Variants in GPHN observed in about 807,000 individuals in gnomAD.
The protein encoded by GPHN is gephyrin.
In GPHN, 17 loss-of-function variants were observed where a neutral mutation model predicts 95.5. That is an observed-to-expected ratio of 0.18 (90% CI 0.12 to 0.27). The LOEUF is 0.27. Among genes scored for constraint, GPHN ranks in the 10% least tolerant of loss-of-function variants. The probability of loss-of-function intolerance (pLI) is 1.00; values close to 1 mark genes in which losing one functional copy is unlikely to be tolerated. For synonymous variants in GPHN, 320 were observed against 322.5 expected (o/e 0.99, Z 0.08); for missense variants, 660 against 978.1 (o/e 0.67, Z 4.34).
chr14:66,533,408 C>T (rs1019961004), intron 1 of GPHN, among the ~76,000 whole-genome samples: 7 of 152,120 alleles, frequency 4.6e-5, no homozygotes. Context: ...TGGGTATATC[C>T]TTCCTTTGGA....
chr14:67,597,223 A>G, the GPHN span, among the ~76,000 whole-genome samples: 3 of 152,256 alleles, frequency 2.0e-5, no homozygotes, highest in African/African-American at 7.2e-5. Flanking sequence ...CATGCCTATA[A>G]TCCCAACACT....
At chr14:66,830,008 T>C (rs1453009815) in intron 4 of GPHN, among the ~76,000 whole-genome samples, 1 of 152,208 alleles carries the variant, frequency 6.6e-6, no homozygotes, top group Non-Finnish European at 1.5e-5. Context: ...TTAGGGTCTA[T>C]AAATGAAGTT....
At chr14:67,246,702 G>A in the GPHN span, among the ~76,000 whole-genome samples, 1 of 144,610 alleles carries the variant, frequency 6.9e-6, no homozygotes, top group East Asian at 2.1e-4. Context: ...CCAGGCTGGA[G>A]TGCAGTGGCA....
intron 1 of GPHN, among the ~76,000 whole-genome samples, chr14:66,579,115 A>G (rs1183998223): frequency 6.6e-6 from 1 of 151,824 alleles, no homozygotes; most frequent in Non-Finnish European, 1.5e-5. Flanking sequence ...TGTGTTATTG[A>G]AGTTATCAGC....
In GPHN at chr14:66,669,364, C is replaced by CA. The variant is rs34581492; in HGVS notation, c.65-11726dup. Among the ~76,000 whole-genome samples the CA allele has an allele frequency of 2.2e-3, 270 of 120,188 alleles. 2 individuals are homozygous for CA. The Middle Eastern group carries it at 0.028, about 12-fold the overall frequency. The allele number at this position is 120,188 out of a possible 152,430, so 78.8% of individuals were successfully genotyped here. A position where few individuals can be genotyped will look rare whatever the true frequency, so the allele number is the denominator to read the frequency against. On this transcript the variant is annotated intron_variant, in intron 1 of 22. Coordinates refer to ENST00000478722, the MANE Select transcript of GPHN (RefSeq NM_020806.5). ...GGGCAACAAGAGTGAAACTCTGTCT[C>CA]AAAAAAAAAAAAAAAAAGATATTTC...
chr14:67,485,721 C>T, the GPHN span, among the ~76,000 whole-genome samples: 3 of 152,188 alleles, frequency 2.0e-5, no homozygotes, highest in African/African-American at 7.2e-5. Context: ...TTTTTTAAGG[C>T]ATCATCAAGG....
chr14:66,516,089 C>T (rs1178359936), intron 1 of GPHN, among the ~76,000 whole-genome samples: 2 of 151,904 alleles, frequency 1.3e-5, no homozygotes, highest in African/African-American at 4.8e-5. Flanking sequence ...TTGCTGCAAC[C>T]TCTGCCTCCC....
chr14:66,756,645 T>A (rs2058566492), intron 2 of GPHN, among the ~76,000 whole-genome samples: 3 of 152,248 alleles, frequency 2.0e-5, no homozygotes, highest in Admixed American at 1.3e-4. Context: ...CATTTGTTTT[T>A]ACTGTCTTTT....
chr14:67,390,834 C>G, the GPHN span: 2 of 895,858 alleles, frequency 2.2e-6, no homozygotes, highest in South Asian at 1.3e-5. Flanking sequence ...AAACCCCCAA[C>G]AAGCCAGCCC....
At chr14:67,270,909 T>C in the GPHN span, 1 of 152,198 alleles carries the variant, frequency 6.6e-6, no homozygotes. Flanking sequence ...GAGGGAGGTC[T>C]TGAAGGTAGA....
chr14:67,020,473 A>C (rs923016161), intron 9 of GPHN, among the ~76,000 whole-genome samples: 2 of 152,064 alleles, frequency 1.3e-5, no homozygotes, highest in African/African-American at 4.8e-5. Flanking sequence ...TTTGTTCCTT[A>C]CATTTATTAT....
At chr14:66,864,555 C>T (rs927117972) in intron 4 of GPHN, among the ~76,000 whole-genome samples, 38 of 152,214 alleles carry the variant, frequency 2.5e-4, no homozygotes, top group African/African-American at 8.7e-4. Flanking sequence ...GGCAGATCAC[C>T]TGAGGTCAGG....
chr14:67,704,244 G>T, the GPHN span, among the ~76,000 whole-genome samples: 1 of 152,192 alleles, frequency 6.6e-6, no homozygotes, highest in African/African-American at 2.4e-5. Flanking sequence ...GATTACGGGG[G>T]TAGAAGGAGG....
chr14:67,507,762 A>G, the GPHN span, among the ~76,000 whole-genome samples: 1 of 152,182 alleles, frequency 6.6e-6, no homozygotes, highest in African/African-American at 2.4e-5. Context: ...CAAGACATAA[A>G]GGTTGCTCCC....
chr14:67,696,301 G>T, the GPHN span, among the ~76,000 whole-genome samples: 2 of 152,152 alleles, frequency 1.3e-5, no homozygotes, highest in Admixed American at 1.3e-4. Flanking sequence ...GGCAGTTACC[G>T]CACTGTTTCT....
At chr14:67,381,682 C>T in the GPHN span, 1 of 1,610,688 alleles carries the variant, frequency 6.2e-7, no homozygotes, top group African/African-American at 1.3e-5. Flanking sequence ...AGAAAACATG[C>T]CCATTAAGGT....
chr14:66,748,760 T>G (rs938360188), intron 2 of GPHN, among the ~76,000 whole-genome samples: 1 of 152,002 alleles, frequency 6.6e-6, no homozygotes, highest in Non-Finnish European at 1.5e-5. Context: ...CATCTACACA[T>G]GGCCTCAAGG....
chr14:67,140,787 C>A (rs2080410262), intron 17 of GPHN, among the ~76,000 whole-genome samples: 1 of 152,112 alleles, frequency 6.6e-6, no homozygotes, highest in Non-Finnish European at 1.5e-5. Context: ...CATCAGGAAC[C>A]CATCACATGC....
rs1304374281 is a variant in GPHN, at chr14:66,508,559, A to C, written c.32A>C (p.His11Pro). ...ACCGAGGGAATGATCCTTACTAACC[A>C]CGACCATCAAATCCGTGTCGGAGTC... Reference protein sequence around the residue: MATEGMILTNHDHQIRVGVLT... With the variant: MATEGMILTNPDHQIRVGVLT... Residue 11 changes from histidine to proline, a missense_variant, in exon 1 of 23, where the codon CAC (histidine) becomes CCC (proline). Coordinates refer to ENST00000478722, the MANE Select transcript of GPHN (RefSeq NM_020806.5). The C allele has an allele frequency of 6.2e-7, 1 of 1,613,696 alleles. No individual in the cohort carries two copies. The highest frequency in any genetic ancestry group is 1.1e-5 in the South Asian group (1 of 91,076).
Sources: allele counts gnomAD v4.1 joint callset (sites outside exome capture counted in the v4.1 genomes callset), GRCh38; gene constraint gnomAD v4.1.1; transcripts MANE v1.5; gene names NCBI Gene and HGNC (gene_info 2026-07-23, HGNC 2026-07-21).